Variants in RFX3 observed in about 807,000 individuals in gnomAD.
The protein encoded by RFX3 is transcription factor RFX3.
A neutral mutation model predicts 98.6 loss-of-function variants in RFX3; 14 were observed. The ratio of observed to expected loss-of-function variants is 0.14; its 90% CI spans 0.09 to 0.22. The LOEUF is 0.22. Among genes scored for constraint, RFX3 ranks in the 10% least tolerant of loss-of-function variants. The pLI, the probability that RFX3 is intolerant of heterozygous loss-of-function variation, is 1.00. For missense variants in RFX3, 639 were observed against 926.9 expected, an observed-to-expected ratio of 0.69 and a Z score of 4.03; for synonymous variants, 383 against 328.4, an observed-to-expected ratio of 1.17 and a Z score of -1.80.
chr9:3,525,126 G>A (rs1423501858), intron 1 of RFX3, among the ~76,000 whole-genome samples: 1 of 151,936 alleles, frequency 6.6e-6, no homozygotes, highest in East Asian at 1.9e-4. Context: ...AGCCCATTCA[G>A]CACCAGGCAA....
chr9:3,390,058 T>C (rs965382504), intron 2 of RFX3, among the ~76,000 whole-genome samples: 9 of 152,178 alleles, frequency 5.9e-5, no homozygotes, highest in African/African-American at 2.2e-4. Flanking sequence ...TTAGAAGCCT[T>C]ATGGCTTTGA....
chr9:3,250,161 G>C (rs971926860), intron 14 of RFX3, among the ~76,000 whole-genome samples: 1 of 151,462 alleles, frequency 6.6e-6, no homozygotes, highest in Non-Finnish European at 1.5e-5. Flanking sequence ...TACTAAAAAA[G>C]CAAAAACAAC....
chr9:3,334,747 G>A (rs2130949311), intron 3 of RFX3, among the ~76,000 whole-genome samples: 1 of 152,214 alleles, frequency 6.6e-6, no homozygotes, highest in African/African-American at 2.4e-5. Flanking sequence ...TCTGAATTTG[G>A]CTTTGACAAA....
chr9:3,276,037 T>C (rs916938387), intron 8 of RFX3, among the ~76,000 whole-genome samples: 3 of 152,250 alleles, frequency 2.0e-5, no homozygotes, highest in Non-Finnish European at 2.9e-5. Context: ...CCTAAAGAGC[T>C]ACAAAGCAGA....
chr9:3,464,495 C>T (rs1359051485), intron 1 of RFX3, among the ~76,000 whole-genome samples: 1 of 152,166 alleles, frequency 6.6e-6, no homozygotes, highest in Non-Finnish European at 1.5e-5. Context: ...CAGCTAAAAT[C>T]TAAAAGAGGC....
chr9:3,464,312 T>C (rs1023500901), intron 1 of RFX3, among the ~76,000 whole-genome samples: 1 of 152,174 alleles, frequency 6.6e-6, no homozygotes, highest in East Asian at 1.9e-4. Context: ...CATATGTCCA[T>C]AAAAACACTT....
chr9:3,276,337 C>T (rs1488087855), intron 8 of RFX3, among the ~76,000 whole-genome samples: 1 of 152,066 alleles, frequency 6.6e-6, no homozygotes, highest in East Asian at 1.9e-4. Flanking sequence ...TAGTAAGTCT[C>T]TCTGTGTTCT....
chr9:3,521,424 T>C (rs911629576), intron 1 of RFX3, among the ~76,000 whole-genome samples: 4 of 152,152 alleles, frequency 2.6e-5, no homozygotes, highest in Non-Finnish European at 4.4e-5. Flanking sequence ...AATGCATATA[T>C]AATTAAAAAT....
rs1291755619 is a variant in RFX3, at chr9:3,424,980, A to G, written c.-8-29384T>C. Among the ~76,000 whole-genome samples, 3 of 152,204 alleles carry G rather than the reference A, an allele frequency of 2.0e-5. No homozygotes were observed. The East Asian group carries it at 5.8e-4, about 29-fold the overall frequency. On this transcript the variant is annotated intron_variant, in intron 1 of 16. Transcript: ENST00000617270. ...CACAGTGGTTCATACCTGTAATCCC[A>G]GCACTTTGGGAGAGCAAGGCAGGTA...
At chr9:3,434,992 C>G (rs1321754695) in intron 1 of RFX3, among the ~76,000 whole-genome samples, 1 of 151,618 alleles carries the variant, frequency 6.6e-6, no homozygotes, top group East Asian at 1.9e-4. Context: ...GTGTTAAGTA[C>G]TTACATATCT....
chr9:3,463,704 C>A (rs1371425514), intron 1 of RFX3, among the ~76,000 whole-genome samples: 1 of 152,032 alleles, frequency 6.6e-6, no homozygotes, highest in African/African-American at 2.4e-5. Context: ...GGCACTGGGG[C>A]TCATGCTTAT....
rs778266343 is a variant in RFX3 at position 3,395,484 on chromosome 9, T to C, written c.105A>G (p.Pro35=). ...AVPTQVVQQV[P]VQQQVQQVQT... Reference sequence around the variant, plus strand: ...AGCAGCTCCTTACCTGTTGTTGTACTGGTACTTGCTGTACCACCTGCGTAG... The same window carrying C: ...AGCAGCTCCTTACCTGTTGTTGTACCGGTACTTGCTGTACCACCTGCGTAG... Residue 35 remains proline (P), a synonymous_variant, in exon 2 of 17, where the codon CCA becomes CCG. Transcript: ENST00000617270. 3.1e-6 allele frequency: 5 copies of C among 1,614,122 alleles called. No individual in the cohort carries two copies. In the South Asian group the frequency reaches 4.4e-5, roughly 14 times the overall value.
At chr9:3,508,324 T>C (rs765613950) in intron 1 of RFX3, among the ~76,000 whole-genome samples, 2 of 151,962 alleles carry the variant, frequency 1.3e-5, no homozygotes, top group African/African-American at 4.8e-5. Flanking sequence ...TTCTATTCAT[T>C]TGAATTACAC....
intron 2 of RFX3, among the ~76,000 whole-genome samples, chr9:3,379,792 T>G (rs934395178): frequency 6.6e-6 from 1 of 152,204 alleles, no homozygotes; most frequent in Non-Finnish European, 1.5e-5. Context: ...GATCAATAAT[T>G]TGTACTTATA....
chr9:3,462,905 G>A (rs574254062), intron 1 of RFX3, among the ~76,000 whole-genome samples: 1 of 152,126 alleles, frequency 6.6e-6, no homozygotes, highest in South Asian at 2.1e-4. Context: ...ACACTGGTAA[G>A]GGAAATTAAA....
At position 3,271,533 on chromosome 9, in the gene RFX3, CTCTCTT is replaced by C. The variant is rs1824450089; in HGVS notation, c.1087-421_1087-416del. Among the ~76,000 whole-genome samples the C allele has an allele frequency of 3.2e-4, 3 of 9,506 alleles. No homozygotes were observed. The South Asian group carries it at 0.042, about 132-fold the overall frequency. The allele number at this position is 9,506 out of a possible 152,430, so 6.2% of individuals were successfully genotyped here. A position where few individuals can be genotyped will look rare whatever the true frequency, so the allele number is the denominator to read the frequency against. On this transcript the variant is annotated intron_variant, in intron 9 of 16. Coordinates refer to ENST00000617270, the MANE Select transcript of RFX3 (RefSeq NM_001282116.2). Reference sequence around the variant, plus strand: ...CCTTCCCTCCCTCCCTTCTTTCTTTCTCTCTTTCTCTTTCTCTCTTTCTCTCTCTCT... The same window carrying C: ...CCTTCCCTCCCTCCCTTCTTTCTTTCTCTCTTTCTCTCTTTCTCTCTCTCT...
intron 6 of RFX3, 74 bp downstream of exon 6, chr9:3,293,003 G>A: frequency 8.3e-7 from 1 of 1,209,840 alleles, no homozygotes; most frequent in Non-Finnish European, 1.2e-6. Context: ...AAGTACTTTT[G>A]TTTAAACAAT....
chr9:3,312,809 G>A lies in RFX3; in HGVS notation c.475-11189C>T, dbSNP rs151036992. Among the ~76,000 whole-genome samples the A allele has an allele frequency of 5.6e-3, 855 of 152,328 alleles. 10 individuals carry two copies. Among genetic ancestry groups the A allele is most frequent in the African/African-American group, 0.019 (797 of 41,574 alleles). On this transcript the variant is annotated intron_variant, in intron 4 of 16. Transcript: ENST00000617270. The stretch of plus-strand genomic sequence containing the variant: ...GATTGAACTGCAAGGTGGCAGTGAG[G>A]CTGGGAGAGGGGCGTCCGCCATTGC...
At chr9:3,251,000 C>T (rs775913899) in intron 14 of RFX3, among the ~76,000 whole-genome samples, 3 of 152,022 alleles carry the variant, frequency 2.0e-5, no homozygotes, top group African/African-American at 4.8e-5. Context: ...CAAAGATATA[C>T]GTACAATCGT....
Sources: allele counts gnomAD v4.1 joint callset (sites outside exome capture counted in the v4.1 genomes callset), GRCh38; gene constraint gnomAD v4.1.1; transcripts MANE v1.5; gene names NCBI Gene and HGNC (gene_info 2026-07-23, HGNC 2026-07-21).